PRDM5: variants seen among roughly 807,000 people sequenced by gnomAD.
PRDM5 encodes PR domain zinc finger protein 5.
A neutral mutation model predicts 81.2 loss-of-function variants in PRDM5; 56 were observed. The observed-to-expected ratio is 0.69, with a 90% confidence interval of 0.56 to 0.86. PRDM5 has a LOEUF of 0.86. Among genes scored for constraint, PRDM5 ranks in the 40% least tolerant of loss-of-function variants. The pLI is 0.00. For synonymous variants in PRDM5, 267 were observed against 256.4 expected (o/e 1.04, Z -0.39); for missense variants, 697 against 770.1 (o/e 0.91, Z 1.12).
At chr4:120,833,048 C>A (rs895404164) in intron 3 of PRDM5, among the ~76,000 whole-genome samples, 1 of 152,096 alleles carries the variant, frequency 6.6e-6, no homozygotes, top group Non-Finnish European at 1.5e-5. Flanking sequence ...TCCCCCTGGA[C>A]TTTATATGCT....
intron 10 of PRDM5, among the ~76,000 whole-genome samples, chr4:120,794,639 T>C (rs947385176): frequency 6.6e-6 from 1 of 151,800 alleles, no homozygotes; most frequent in African/African-American, 2.4e-5. Flanking sequence ...TTTTTTTTTT[T>C]TTAAGACGGA....
rs1299238716 is a variant in PRDM5 at position 120,766,994 on chromosome 4, G to A, written c.1537+10194C>T. Among the ~76,000 whole-genome samples, 7 of 152,250 alleles carry A rather than the reference G, an allele frequency of 4.6e-5. No homozygotes were observed. In the East Asian group the frequency reaches 1.2e-3, roughly 25 times the overall value. On this transcript the variant is annotated intron_variant, in intron 13 of 15. Transcript: ENST00000264808. Reference sequence around the variant, plus strand: ...ACAAAGTCTTGTCAGACTACAGAATGGTGGTAATGCGAACAAGGGGGAAGA... The same window carrying A: ...ACAAAGTCTTGTCAGACTACAGAATAGTGGTAATGCGAACAAGGGGGAAGA...
chr4:120,753,218 T>C (rs1372914795), intron 14 of PRDM5, among the ~76,000 whole-genome samples: 3 of 152,212 alleles, frequency 2.0e-5, no homozygotes, highest in Non-Finnish European at 4.4e-5. Context: ...ACTGCTCACA[T>C]GTAAAATAAC....
chr4:120,694,469 G>A lies in PRDM5; in HGVS notation c.*642C>T, dbSNP rs143528880. 2.8e-4 allele frequency: 43 copies of A among 152,242 alleles called. No homozygotes were observed. The highest frequency in any genetic ancestry group is 9.1e-4 in the African/African-American group (38 of 41,534). The allele number at this position is 152,242 out of a possible 1,614,324, so 9.4% of individuals were successfully genotyped here. ...GTTTCCTAAGAATCCTCTAAAATGAGCAATATTTTAATAGATGTTTTAGTT... is the reference window on the plus strand; with the variant it reads ...GTTTCCTAAGAATCCTCTAAAATGAACAATATTTTAATAGATGTTTTAGTT... On this transcript the variant is annotated 3_prime_UTR_variant, in exon 16 of 16. Coordinates refer to ENST00000264808, the MANE Select transcript of PRDM5 (RefSeq NM_018699.4).
At chr4:120,773,768 C>T (rs763973181) in intron 13 of PRDM5, among the ~76,000 whole-genome samples, 31 of 152,180 alleles carry the variant, frequency 2.0e-4, no homozygotes, top group Non-Finnish European at 4.3e-4. Context: ...CCCCTTCTAA[C>T]TACATATCTG....
chr4:120,776,667 T>G (rs1461629722), intron 13 of PRDM5, among the ~76,000 whole-genome samples: 3 of 152,200 alleles, frequency 2.0e-5, no homozygotes, highest in Non-Finnish European at 4.4e-5. Flanking sequence ...GGGCACAGCT[T>G]TCTTTCATTG....
At chr4:120,806,851 G>A (rs1435540268) in intron 8 of PRDM5, among the ~76,000 whole-genome samples, 1 of 152,160 alleles carries the variant, frequency 6.6e-6, no homozygotes, top group East Asian at 1.9e-4. Context: ...TGACAAATGG[G>A]ATCTAATTAA....
At chr4:120,899,419 A>T (rs1275106359) in intron 2 of PRDM5, among the ~76,000 whole-genome samples, 2 of 152,136 alleles carry the variant, frequency 1.3e-5, no homozygotes, top group Non-Finnish European at 2.9e-5. Context: ...TCCTGACTCA[A>T]TTCCTGCCAC....
chr4:120,910,070 TA>T (rs34590841), intron 1 of PRDM5, among the ~76,000 whole-genome samples: 134,136 of 149,294 alleles, frequency 0.9, 60,374 homozygotes, highest in Non-Finnish European at 0.94. Context: ...TCATATGCTT[TA>T]AAAAAAAAAA....
At chr4:120,837,002 T>C (rs1337897905) in intron 3 of PRDM5, among the ~76,000 whole-genome samples, 2 of 152,210 alleles carry the variant, frequency 1.3e-5, no homozygotes, top group Non-Finnish European at 2.9e-5. Context: ...TCTGAGGCTA[T>C]TCTACCCACC....
intron 2 of PRDM5, among the ~76,000 whole-genome samples, chr4:120,900,765 A>G (rs1350481597): frequency 6.6e-6 from 1 of 152,186 alleles, no homozygotes; most frequent in Non-Finnish European, 1.5e-5. Flanking sequence ...ACAGCTGCAA[A>G]TCTTATAATG....
At chr4:120,903,752 T>C (rs1422854782) in intron 2 of PRDM5, among the ~76,000 whole-genome samples, 1 of 152,194 alleles carries the variant, frequency 6.6e-6, no homozygotes, top group African/African-American at 2.4e-5. Context: ...GAATAAGTTT[T>C]ACAAGGTCTG....
chr4:120,703,888 C>T (rs1735736294), intron 15 of PRDM5, among the ~76,000 whole-genome samples: 1 of 151,620 alleles, frequency 6.6e-6, no homozygotes. Flanking sequence ...GTGAGCTCAC[C>T]CTACTTTTTC....
At chr4:120,697,541 C>T (rs1482249220) in intron 15 of PRDM5, among the ~76,000 whole-genome samples, 2 of 149,304 alleles carry the variant, frequency 1.3e-5, no homozygotes, top group Middle Eastern at 3.2e-3. Context: ...GTCAAGATGT[C>T]GCTGTCACCC....
At chr4:120,865,536 G>C (rs1053188730) in intron 2 of PRDM5, among the ~76,000 whole-genome samples, 1 of 152,104 alleles carries the variant, frequency 6.6e-6, no homozygotes, top group Admixed American at 6.6e-5. Context: ...TACACCCCAC[G>C]GAGTCACTCT....
At chr4:120,875,736 CAG>C (rs1762274538) in intron 2 of PRDM5, among the ~76,000 whole-genome samples, 2 of 152,112 alleles carry the variant, frequency 1.3e-5, no homozygotes, top group Non-Finnish European at 2.9e-5. Flanking sequence ...GAGTAGTAGA[CAG>C]GGGGCAAAAT....
At chr4:120,885,179 T>C (rs1383514757) in intron 2 of PRDM5, among the ~76,000 whole-genome samples, 1 of 109,960 alleles carries the variant, frequency 9.1e-6, no homozygotes, top group East Asian at 2.8e-4. Flanking sequence ...AGAAAAGACA[T>C]ACGACACATT....
intron 3 of PRDM5, among the ~76,000 whole-genome samples, chr4:120,832,715 TAGTA>T (rs1756871803): frequency 6.6e-6 from 1 of 152,136 alleles, no homozygotes; most frequent in African/African-American, 2.4e-5. Context: ...CCTTTTGAAT[TAGTA>T]AGACAGTAAA....
intron 3 of PRDM5, among the ~76,000 whole-genome samples, chr4:120,840,522 C>T (rs182223478): frequency 6.6e-6 from 1 of 152,230 alleles, no homozygotes; most frequent in East Asian, 1.9e-4. Flanking sequence ...TGGCCGGGTC[C>T]TCAAAGCAAG....
Sources: allele counts gnomAD v4.1 joint callset (sites outside exome capture counted in the v4.1 genomes callset), GRCh38; gene constraint gnomAD v4.1.1; transcripts MANE v1.5; gene names NCBI Gene and HGNC (gene_info 2026-07-23, HGNC 2026-07-21).